Variants in CNTN5 observed in about 807,000 individuals in gnomAD.
CNTN5 encodes the protein contactin-5.
CNTN5 carries 77 observed loss-of-function variants against 129.1 expected under a neutral mutation model. That is an observed-to-expected ratio of 0.60 (90% CI 0.50 to 0.72). The LOEUF is 0.72. Among genes scored for constraint, CNTN5 ranks in the 30% least tolerant of loss-of-function variants. The pLI is 0.00. For synonymous variants in CNTN5, 509 were observed against 465.6 expected, an observed-to-expected ratio of 1.09 and a Z score of -1.20; for missense variants, 1,478 against 1,328.8, an observed-to-expected ratio of 1.11 and a Z score of -1.75.
chr11:99,372,009 A>G (rs1939856033), intron 2 of CNTN5, among the ~76,000 whole-genome samples: 1 of 152,204 alleles, frequency 6.6e-6, no homozygotes, highest in African/African-American at 2.4e-5. Context: ...TTGACAATAC[A>G]AGTGGAGCGA....
At chr11:99,973,669 G>T (rs1937734778) in intron 8 of CNTN5, among the ~76,000 whole-genome samples, 1 of 152,016 alleles carries the variant, frequency 6.6e-6, no homozygotes, top group African/African-American at 2.4e-5. Flanking sequence ...GTCTAAAATT[G>T]AGTAATGTAT....
At chr11:99,217,484 A>G (rs1171631298) in intron 1 of CNTN5, among the ~76,000 whole-genome samples, 1 of 152,198 alleles carries the variant, frequency 6.6e-6, no homozygotes, top group Non-Finnish European at 1.5e-5. Flanking sequence ...GTTGGTGAGG[A>G]TGTAAATTGG....
At chr11:100,122,371 C>T (rs957792482) in intron 13 of CNTN5, among the ~76,000 whole-genome samples, 2 of 151,976 alleles carry the variant, frequency 1.3e-5, no homozygotes, top group African/African-American at 4.8e-5. Context: ...CTATCAGGCG[C>T]CCAGCAGATT....
intron 1 of CNTN5, among the ~76,000 whole-genome samples, chr11:99,030,946 A>AATTTTT (rs920208439): frequency 2.3e-4 from 34 of 150,306 alleles, no homozygotes; most frequent in East Asian, 9.8e-4. Flanking sequence ...ACGCCTGGCT[A>AATTTTT]ATTTTTATTT....
At chr11:99,655,759 GCA>G (rs1408720451) in intron 3 of CNTN5, among the ~76,000 whole-genome samples, 1 of 151,704 alleles carries the variant, frequency 6.6e-6, no homozygotes, top group Non-Finnish European at 1.5e-5. Flanking sequence ...ATGTATATAC[GCA>G]CACACATATC....
At position 100,357,649 on chromosome 11, in the gene CNTN5, G is replaced by T. The variant is rs1482556963; in HGVS notation, c.*1429G>T. 1.3e-5 allele frequency: 2 copies of T among 151,390 alleles called. No homozygotes were observed. Among genetic ancestry groups the T allele is most frequent in the Non-Finnish European group, 3.0e-5 (2 of 67,752 alleles). The allele number at this position is 151,390 out of a possible 1,614,324, so 9.4% of individuals were successfully genotyped here. On this transcript the variant is annotated 3_prime_UTR_variant, in exon 25 of 25. Coordinates refer to ENST00000524871, the MANE Select transcript of CNTN5 (RefSeq NM_014361.4). ...GGTTTTATAGGCGATGTTAACAAGA[G>T]AACAAAAATTGGTTTTATAATTTTA...
chr11:99,227,483 G>T (rs1335708839), intron 1 of CNTN5, among the ~76,000 whole-genome samples: 1 of 151,970 alleles, frequency 6.6e-6, no homozygotes, highest in Non-Finnish European at 1.5e-5. Context: ...CAACTCAAAA[G>T]AATTACTAGT....
At chr11:99,330,933 TAC>T (rs777845966) in intron 2 of CNTN5, among the ~76,000 whole-genome samples, 1 of 151,738 alleles carries the variant, frequency 6.6e-6, no homozygotes, top group Non-Finnish European at 1.5e-5. Context: ...AAAATAAACA[TAC>T]ACACACACAT....
At chr11:100,068,195 A>G (rs139970646) in intron 10 of CNTN5, among the ~76,000 whole-genome samples, 4 of 152,254 alleles carry the variant, frequency 2.6e-5, no homozygotes, top group Admixed American at 1.3e-4. Flanking sequence ...ACTCTTAATG[A>G]TCTCACTGTC....
chr11:99,841,609 G>A (rs1947494582), intron 4 of CNTN5, among the ~76,000 whole-genome samples: 1 of 151,452 alleles, frequency 6.6e-6, no homozygotes, highest in East Asian at 1.9e-4. Flanking sequence ...AGAAGCAGCA[G>A]AAGCAGCAGA....
intron 1 of CNTN5, among the ~76,000 whole-genome samples, chr11:99,118,776 T>C (rs1858164281): frequency 1.3e-5 from 2 of 152,064 alleles, no homozygotes; most frequent in South Asian, 4.1e-4. Context: ...TCTTAAAAGT[T>C]TGAATCACTG....
intron 1 of CNTN5, among the ~76,000 whole-genome samples, chr11:99,134,325 T>A (rs7113946): frequency 5.8e-4 from 89 of 152,190 alleles, no homozygotes; most frequent in African/African-American, 2.1e-3. Flanking sequence ...GGTGATGGGT[T>A]GACAGGTGCA....
rs557965135 is a variant in CNTN5, at chr11:99,910,382, C to A, written c.578-5672C>A. Among the ~76,000 whole-genome samples the A allele has an allele frequency of 2.5e-4, 38 of 152,062 alleles. No individual in the cohort carries two copies. The South Asian group carries it at 6.6e-3, about 27-fold the overall frequency. On this transcript the variant is annotated intron_variant, in intron 6 of 24. Coordinates refer to ENST00000524871, the MANE Select transcript of CNTN5 (RefSeq NM_014361.4). Reference sequence around the variant, plus strand: ...TTTGCTCTAGAGTGTGTTATGGTAGCCATTCTGTGCAGACAAATGACTATG... The same window carrying A: ...TTTGCTCTAGAGTGTGTTATGGTAGACATTCTGTGCAGACAAATGACTATG...
At chr11:100,215,348 T>C (rs758286535) in intron 15 of CNTN5, among the ~76,000 whole-genome samples, 33 of 151,894 alleles carry the variant, frequency 2.2e-4, no homozygotes, top group Admixed American at 1.2e-3. Flanking sequence ...ATTCAAGGAG[T>C]AGGAAATTAG....
At chr11:100,283,367 G>A (rs187109361) in intron 18 of CNTN5, among the ~76,000 whole-genome samples, 10 of 152,204 alleles carry the variant, frequency 6.6e-5, no homozygotes, top group Admixed American at 5.9e-4. Context: ...TATCTCTTAT[G>A]GATCTGCAAG....
chr11:100,168,345 A>AT (rs1436903676), intron 13 of CNTN5, among the ~76,000 whole-genome samples: 2 of 151,986 alleles, frequency 1.3e-5, no homozygotes, highest in Admixed American at 1.3e-4. Context: ...AGAGAAGTGA[A>AT]TGCCTGGCTT....
intron 6 of CNTN5, among the ~76,000 whole-genome samples, chr11:99,891,879 A>G (rs1199416379): frequency 1.3e-5 from 2 of 152,096 alleles, no homozygotes; most frequent in African/African-American, 4.8e-5. Context: ...TGGTATTTCT[A>G]GTTCTAGATC....
intron 18 of CNTN5, among the ~76,000 whole-genome samples, chr11:100,279,838 G>A (rs1029534455): frequency 7.0e-6 from 1 of 143,662 alleles, no homozygotes; most frequent in Non-Finnish European, 1.5e-5. Context: ...CTAATTTTGG[G>A]TTTGGTTTAC....
intron 6 of CNTN5, among the ~76,000 whole-genome samples, chr11:99,878,881 A>T (rs978483527): frequency 6.6e-6 from 1 of 152,154 alleles, no homozygotes; most frequent in African/African-American, 2.4e-5. Flanking sequence ...ATTTTTTTTA[A>T]AAAAAGATGA....
Sources: allele counts gnomAD v4.1 joint callset (sites outside exome capture counted in the v4.1 genomes callset), GRCh38; gene constraint gnomAD v4.1.1; transcripts MANE v1.5; gene names NCBI Gene and HGNC (gene_info 2026-07-23, HGNC 2026-07-21).